Variants in CSMD1 observed in about 807,000 individuals in gnomAD.
CSMD1 encodes the protein CUB and sushi domain-containing protein 1.
Under a neutral mutation model 417.5 loss-of-function variants are expected in CSMD1, and 213 were observed. The ratio of observed to expected loss-of-function variants is 0.51; its 90% CI spans 0.46 to 0.57. The LOEUF (loss-of-function observed/expected upper bound fraction) is 0.57. CSMD1 is among the 20% of genes least tolerant of loss of function. The probability of loss-of-function intolerance (pLI) is 0.00; values close to 1 mark genes in which losing one functional copy is unlikely to be tolerated. For missense variants in CSMD1, 6,923 were observed against 4,529.7 expected (o/e 1.53, Z -15.17); for synonymous variants, 2,862 against 1,736.8 (o/e 1.65, Z -16.11).
At chr8:4,304,488 G>A (rs1225474891) in intron 3 of CSMD1, among the ~76,000 whole-genome samples, 2 of 152,140 alleles carry the variant, frequency 1.3e-5, no homozygotes, top group Admixed American at 1.3e-4. Flanking sequence ...GTCCCATCCT[G>A]ACACAAACGT....
chr8:4,138,148 C>G (rs145487984), intron 3 of CSMD1, among the ~76,000 whole-genome samples: 6,858 of 83,850 alleles, frequency 0.082, 2,095 homozygotes, highest in Non-Finnish European at 0.15. Flanking sequence ...ATCTCCTGAC[C>G]TCATGATCCT....
chr8:4,271,457 A>C (rs1202234256), intron 3 of CSMD1, among the ~76,000 whole-genome samples: 2 of 152,058 alleles, frequency 1.3e-5, no homozygotes, highest in Non-Finnish European at 2.9e-5. Context: ...CTGAAGAAAA[A>C]CTCACTGCAA....
chr8:4,666,157 G>T (rs767622120), intron 1 of CSMD1, among the ~76,000 whole-genome samples: 6 of 152,058 alleles, frequency 3.9e-5, no homozygotes, highest in Non-Finnish European at 5.9e-5. Context: ...GCACATCCTG[G>T]GATGCAGAAT....
intron 5 of CSMD1, among the ~76,000 whole-genome samples, chr8:3,888,054 A>G (rs1006248356): frequency 6.6e-6 from 1 of 152,212 alleles, no homozygotes; most frequent in Non-Finnish European, 1.5e-5. Flanking sequence ...GATATTGGAA[A>G]ATACTGTACA....
chr8:3,411,660 ATATATATACGTGTATATATACGTG>A lies in CSMD1; in HGVS notation c.1562-2079_1562-2056del, dbSNP rs1181385161. ...ATCGTTCAGTAGTAGTCCATCATAT[ATATATATACGTGTATATATACGTG>A]TATATATACACACGTATATATACAC... On this transcript the variant is annotated intron_variant, in intron 12 of 69. Transcript: ENST00000635120. Among the ~76,000 whole-genome samples, 314 of 129,588 alleles carry A rather than the reference ATATATATACGTGTATATATACGTG, an allele frequency of 2.4e-3. 10 individuals carry two copies. The highest frequency in any genetic ancestry group is 5.7e-4 in the Non-Finnish European group (35 of 61,336). The allele number at this position is 129,588 out of a possible 152,430, so 85.0% of individuals were successfully genotyped here. A position where few individuals can be genotyped will look rare whatever the true frequency, so the allele number is the denominator to read the frequency against.
At chr8:4,656,175 A>G (rs983431990) in intron 1 of CSMD1, among the ~76,000 whole-genome samples, 33 of 152,166 alleles carry the variant, frequency 2.2e-4, no homozygotes, top group African/African-American at 7.2e-4. Context: ...GGAAAACCCC[A>G]TAAGAACACT....
chr8:4,185,852 C>G (rs1252103610), intron 3 of CSMD1, among the ~76,000 whole-genome samples: 1 of 152,140 alleles, frequency 6.6e-6, no homozygotes, highest in Non-Finnish European at 1.5e-5. Flanking sequence ...ATGAACAGAG[C>G]AACCGTTCTT....
intron 3 of CSMD1, among the ~76,000 whole-genome samples, chr8:4,036,641 C>A (rs547904383): frequency 2.0e-5 from 3 of 152,308 alleles, no homozygotes; most frequent in East Asian, 1.9e-4. Flanking sequence ...AAAGAAAAAA[C>A]TAGACATCAA....
intron 37 of CSMD1, among the ~76,000 whole-genome samples, chr8:3,167,291 G>GAAAAGAAAAAAAAAAAAAAAA (rs547453018): frequency 9.7e-6 from 1 of 102,600 alleles, no homozygotes; most frequent in African/African-American, 3.5e-5. Context: ...CTTGGAAAAA[G>GAAAAGAAAAAAAAAAAAAAAA]AAAAAAAAAA....
chr8:4,281,151 C>A (rs988029507), intron 3 of CSMD1, among the ~76,000 whole-genome samples: 3 of 152,156 alleles, frequency 2.0e-5, no homozygotes, highest in African/African-American at 7.2e-5. Flanking sequence ...TCGGGAGCAC[C>A]TGACCCACTG....
intron 69 of CSMD1, among the ~76,000 whole-genome samples, chr8:2,939,870 T>A (rs747502538): frequency 3.9e-5 from 6 of 152,206 alleles, no homozygotes; most frequent in Non-Finnish European, 8.8e-5. Context: ...AGTGAAGACC[T>A]GGCTAAAATG....
At chr8:3,252,376 A>C (rs748089528) in intron 26 of CSMD1, among the ~76,000 whole-genome samples, 1 of 152,138 alleles carries the variant, frequency 6.6e-6, no homozygotes, top group Admixed American at 6.5e-5. Flanking sequence ...ATTGATTTGC[A>C]TATGTTGAAC....
intron 3 of CSMD1, among the ~76,000 whole-genome samples, chr8:4,351,201 T>C (rs1255154410): frequency 6.6e-6 from 1 of 152,098 alleles, no homozygotes; most frequent in African/African-American, 2.4e-5. Flanking sequence ...TAGGAGTTAA[T>C]AAAATGTACC....
chr8:4,436,582 T>C (rs1217646), intron 2 of CSMD1, among the ~76,000 whole-genome samples: 126,746 of 152,076 alleles, frequency 0.83, 52,911 homozygotes, highest in Middle Eastern at 0.89. Flanking sequence ...TTACTGTTGA[T>C]TATATCCATC....
At chr8:3,775,787 A>G (rs1240614262) in intron 5 of CSMD1, among the ~76,000 whole-genome samples, 1 of 152,220 alleles carries the variant, frequency 6.6e-6, no homozygotes, top group Non-Finnish European at 1.5e-5. Flanking sequence ...TCCACGAAGC[A>G]TTGCTGGGTG....
chr8:3,067,739 A>G (rs1463192406), intron 49 of CSMD1, among the ~76,000 whole-genome samples: 1 of 151,592 alleles, frequency 6.6e-6, no homozygotes, highest in Non-Finnish European at 1.5e-5. Context: ...TATAGTTTAT[A>G]TCAAATATTA....
At chr8:3,796,268 GATAT>G (rs746066537) in intron 5 of CSMD1, among the ~76,000 whole-genome samples, 371 of 25,064 alleles carry the variant, frequency 0.015, 122 homozygotes, top group African/African-American at 0.097. Flanking sequence ...TATAGATATA[GATAT>G]ATATCTATCA....
At chr8:4,122,107 T>C (rs996678537) in intron 3 of CSMD1, among the ~76,000 whole-genome samples, 2 of 152,248 alleles carry the variant, frequency 1.3e-5, no homozygotes, top group Middle Eastern at 3.4e-3. Flanking sequence ...TAATATTGTA[T>C]CGTATAGGAT....
intron 3 of CSMD1, among the ~76,000 whole-genome samples, chr8:4,148,675 G>A (rs772732401): frequency 2.6e-5 from 4 of 152,142 alleles, no homozygotes; most frequent in East Asian, 3.9e-4. Flanking sequence ...GCGTGCCCTC[G>A]TGTCTCTTCT....
Sources: gnomAD v4.1 joint callset for allele counts (sites outside exome capture counted in the v4.1 genomes callset) on GRCh38, gnomAD v4.1.1 for gene constraint, MANE v1.5 for transcripts, NCBI Gene and HGNC (gene_info 2026-07-23, HGNC 2026-07-21) for gene names.